TCAF1: variants seen among roughly 807,000 people sequenced by gnomAD.
The protein encoded by TCAF1 is TRPM8 channel associated factor 1.
A neutral mutation model predicts 27.3 loss-of-function variants in TCAF1; 4 were observed. The ratio of observed to expected loss-of-function variants is 0.15; its 90% CI spans 0.07 to 0.34. The LOEUF (loss-of-function observed/expected upper bound fraction) is 0.34, where lower values mean the gene tolerates loss of function less well. Among genes scored for constraint, TCAF1 ranks in the 10% least tolerant of loss-of-function variants. The probability of loss-of-function intolerance (pLI) is 1.00; values close to 1 mark genes in which losing one functional copy is unlikely to be tolerated. For missense variants in TCAF1, 257 were observed against 425.8 expected, an observed-to-expected ratio of 0.60 and a Z score of 3.49; for synonymous variants, 105 against 167.1, an observed-to-expected ratio of 0.63 and a Z score of 2.87.
intron 2 of TCAF1, among the ~76,000 whole-genome samples, chr7:143,870,620 A>G (rs1812414251): frequency 6.6e-6 from 1 of 152,238 alleles, no homozygotes; most frequent in Non-Finnish European, 1.5e-5. Flanking sequence ...TTTATAGCAC[A>G]GCAGATGGTC....
chr7:143,891,551 G>GT (rs1301134470), intron 1 of TCAF1, among the ~76,000 whole-genome samples: 3 of 152,016 alleles, frequency 2.0e-5, no homozygotes, highest in Non-Finnish European at 4.4e-5. Context: ...TATAGCAAAG[G>GT]TAAGTAGAAA....
intron 1 of TCAF1, among the ~76,000 whole-genome samples, chr7:143,883,885 G>A (rs1013595345): frequency 6.6e-6 from 1 of 152,142 alleles, no homozygotes; most frequent in Non-Finnish European, 1.5e-5. Flanking sequence ...CTTTCTCACA[G>A]GTGCTGGCTC....
chr7:143,869,114 T>C (rs1368483909), intron 2 of TCAF1, among the ~76,000 whole-genome samples: 2 of 140,022 alleles, frequency 1.4e-5, no homozygotes, highest in African/African-American at 5.2e-5. Context: ...ATGATTCTCA[T>C]GCCTCAGCCT....
intron 1 of TCAF1, among the ~76,000 whole-genome samples, chr7:143,890,660 T>C (rs1562971257): frequency 6.6e-6 from 1 of 152,202 alleles, no homozygotes; most frequent in African/African-American, 2.4e-5. Context: ...CTTTTTACTT[T>C]CGGGCATTTT....
At chr7:143,895,063 A>G (rs185036713) in intron 1 of TCAF1, among the ~76,000 whole-genome samples, 4 of 151,928 alleles carry the variant, frequency 2.6e-5, no homozygotes, top group Admixed American at 6.5e-5. Context: ...AAAATTAACT[A>G]TAGTGACAAT....
intron 1 of TCAF1, among the ~76,000 whole-genome samples, chr7:143,892,026 C>A (rs1813659415): frequency 6.6e-6 from 1 of 152,008 alleles, no homozygotes; most frequent in African/African-American, 2.4e-5. Context: ...AAATATTCCT[C>A]AAAAATAAAG....
chr7:143,880,145 A>T (rs1208881401), intron 1 of TCAF1, among the ~76,000 whole-genome samples: 1 of 152,254 alleles, frequency 6.6e-6, no homozygotes, highest in Admixed American at 6.5e-5. Flanking sequence ...TAGTAACAAC[A>T]CAATGCTTAC....
chr7:143,886,532 C>G, intron 1 of TCAF1: 1 of 984,972 alleles, frequency 1.0e-6, no homozygotes, highest in Non-Finnish European at 1.2e-6. Context: ...TCTGTAATGT[C>G]CACTGGATGG....
chr7:143,900,682 CG>C (rs1320343882), intron 1 of TCAF1, among the ~76,000 whole-genome samples: 2 of 152,030 alleles, frequency 1.3e-5, no homozygotes, highest in Non-Finnish European at 2.9e-5. Flanking sequence ...TTTGTTTGTT[CG>C]CTTTGGTTTG....
intron 1 of TCAF1, among the ~76,000 whole-genome samples, chr7:143,894,397 G>GC (rs1813782124): frequency 2.6e-5 from 4 of 151,572 alleles, no homozygotes; most frequent in African/African-American, 9.7e-5. Context: ...GCAAAATCTC[G>GC]TAAGTACATT....
chr7:143,874,782 C>G (rs1057170625), intron 2 of TCAF1, among the ~76,000 whole-genome samples: 1 of 152,160 alleles, frequency 6.6e-6, no homozygotes, highest in African/African-American at 2.4e-5. Flanking sequence ...ACAACAGTTA[C>G]TTGGTTTTTG....
intron 1 of TCAF1, among the ~76,000 whole-genome samples, chr7:143,900,449 G>A (rs1034078357): frequency 1.8e-4 from 27 of 152,138 alleles, no homozygotes; most frequent in African/African-American, 6.5e-4. Context: ...AAGAACTGAT[G>A]TGTACAGCCA....
intron 1 of TCAF1, among the ~76,000 whole-genome samples, chr7:143,877,925 C>T (rs1261702865): frequency 6.6e-6 from 1 of 152,210 alleles, no homozygotes. Flanking sequence ...ACTTGTCTAT[C>T]TCCCTTGTCA....
chr7:143,878,671 T>C (rs144298668), intron 1 of TCAF1, among the ~76,000 whole-genome samples: 2 of 152,308 alleles, frequency 1.3e-5, no homozygotes, highest in African/African-American at 4.8e-5. Flanking sequence ...GATACTGATA[T>C]GAACATTTGG....
At chr7:143,879,088 G>A (rs751486803) in intron 1 of TCAF1, among the ~76,000 whole-genome samples, 1 of 152,082 alleles carries the variant, frequency 6.6e-6, no homozygotes, top group Non-Finnish European at 1.5e-5. Context: ...GCAGCATCCC[G>A]TCTGCCAGGC....
Position 143,876,271 on chromosome 7 carries a change from T to C in TCAF1, c.338A>G (p.Lys113Arg). 6.2e-7 allele frequency: 1 copy of C among 1,614,172 alleles called. No homozygotes were observed. Among genetic ancestry groups the C allele is most frequent in the Non-Finnish European group, 8.5e-7 (1 of 1,180,034 alleles). Residue 113 changes from lysine to arginine, a missense_variant, in exon 2 of 9, where the codon AAG becomes AGG. Physicochemically the swap from Lys to Arg is conservative, Grantham distance 26. Around this residue, in one of 2 missense-constraint regions of TCAF1, gnomAD observed 255 missense variants for 260.1 expected, o/e 0.98. Transcript: ENST00000479870. ...GGAGTCTTTCACTTCTGGCTCAACC[T>C]TTGCATCCACTCCAGAGCCCTCGAG... The part of the protein sequence containing the change: ...KILEGSGVDA[K>R]VEPEVKDSLG...
intron 1 of TCAF1, among the ~76,000 whole-genome samples, chr7:143,884,055 C>T (rs1813258675): frequency 6.6e-6 from 1 of 152,114 alleles, no homozygotes. Flanking sequence ...AAAAGTAATA[C>T]CTATACTAAG....
At chr7:143,886,331 C>T (rs1216497151) in intron 1 of TCAF1, among the ~76,000 whole-genome samples, 1 of 152,188 alleles carries the variant, frequency 6.6e-6, no homozygotes, top group African/African-American at 2.4e-5. Context: ...AGCTTTCTCC[C>T]TTACTACAAA....
intron 2 of TCAF1, among the ~76,000 whole-genome samples, chr7:143,875,115 G>A (rs1164608180): frequency 1.3e-5 from 2 of 152,142 alleles, no homozygotes; most frequent in Admixed American, 6.5e-5. Flanking sequence ...AGTACCCTTG[G>A]TGTGTCGTCC....
Sources: allele counts gnomAD v4.1 joint callset (sites outside exome capture counted in the v4.1 genomes callset), GRCh38; gene constraint gnomAD v4.1.1; regional missense constraint gnomAD v4.1.1; transcripts MANE v1.5; gene names NCBI Gene and HGNC (gene_info 2026-07-23, HGNC 2026-07-21).